Variants in FBXL2 observed in about 807,000 individuals in gnomAD.
The protein encoded by FBXL2 is F-box/LRR-repeat protein 2.
In FBXL2, 38 loss-of-function variants were observed where a neutral mutation model predicts 69.2. The observed-to-expected ratio is 0.55, with a 90% confidence interval of 0.42 to 0.72. The LOEUF (loss-of-function observed/expected upper bound fraction) is 0.72, where lower values mean the gene tolerates loss of function less well. Ranked by LOEUF, FBXL2 falls within the 30% of genes least tolerant of loss-of-function variation. The pLI, the probability that FBXL2 is intolerant of heterozygous loss-of-function variation, is 0.00. For synonymous variants in FBXL2, 192 were observed against 201.3 expected (o/e 0.95, Z 0.39); for missense variants, 354 against 520.3 (o/e 0.68, Z 3.11).
the FBXL2 span, chr3:33,411,592 C>G: frequency 1.9e-6 from 3 of 1,614,032 alleles, no homozygotes; most frequent in Non-Finnish European, 2.5e-6. Flanking sequence ...TGAATGAAAG[C>G]AGAGGTGCGT....
intron 2 of FBXL2, among the ~76,000 whole-genome samples, chr3:33,301,745 T>C (rs1426930135): frequency 6.6e-6 from 1 of 152,124 alleles, no homozygotes; most frequent in African/African-American, 2.4e-5. Context: ...TCCTGGGGAG[T>C]CAGTCACATA....
rs761895451 is a variant in FBXL2, at chr3:33,385,542, C to A, written c.1206C>A (p.Pro402=). ...TCAAAGTCCACGCCTACTTTGCTCC[C>A]GTCACCCCACCGACAGCAGTGGCAG... ...PHVKVHAYFA[P]VTPPTAVAGS... is the part of the protein sequence containing the mutation. Residue 402 remains proline (P), a synonymous_variant, in exon 15 of 15, where the codon CCC becomes CCA. Transcript: ENST00000484457. 1.4e-5 allele frequency: 22 copies of A among 1,613,938 alleles called. No individual in the cohort carries two copies. Among genetic ancestry groups the A allele is most frequent in the Non-Finnish European group, 1.9e-5 (22 of 1,180,000 alleles).
At chr3:33,299,033 T>A (rs1036105494) in intron 2 of FBXL2, among the ~76,000 whole-genome samples, 1 of 151,110 alleles carries the variant, frequency 6.6e-6, no homozygotes, top group East Asian at 1.9e-4. Context: ...TTAATTTTAT[T>A]TATTTATTTA....
intron 12 of FBXL2, among the ~76,000 whole-genome samples, chr3:33,399,534 GA>G (rs35695525): frequency 6.6e-6 from 1 of 152,018 alleles, no homozygotes; most frequent in Non-Finnish European, 1.5e-5. Context: ...TTATGCTAGT[GA>G]AAAAAAGCCA....
At chr3:33,361,720 C>G (rs2041642916) in intron 4 of FBXL2, among the ~76,000 whole-genome samples, 1 of 152,064 alleles carries the variant, frequency 6.6e-6, no homozygotes. Flanking sequence ...ATGTGAAAAC[C>G]TAAAATAGCT....
downstream of FBXL2, chr3:33,389,115 G>C (rs1315554381): frequency 6.5e-6 from 1 of 152,672 alleles, no homozygotes; most frequent in Middle Eastern, 3.2e-3. Context: ...TGAGAAAACA[G>C]TGGATTCCCT....
rs373364547 is a variant in FBXL2, at chr3:33,304,366, A to G, written c.65+6641A>G. Among the ~76,000 whole-genome samples the G allele has an allele frequency of 1.1e-4, 16 of 152,168 alleles. No homozygotes were observed. In the South Asian group the frequency reaches 3.1e-3, roughly 30 times the overall value. On this transcript the variant is annotated intron_variant, in intron 2 of 14. Transcript: ENST00000484457. ...ATCTTAAATATATTTTGACTAAACA[A>G]TATGTTTACTTTTGCTTGTTTATTA...
At chr3:33,404,875 T>C (rs574712466), downstream of FBXL2, among the ~76,000 whole-genome samples, 1 of 152,260 alleles carries the variant, frequency 6.6e-6, no homozygotes, top group South Asian at 2.1e-4. Flanking sequence ...AAAAACAAAA[T>C]TGCTCATATG....
At chr3:33,359,182 T>C (rs2041431437) in intron 3 of FBXL2, 101 bp from the exon 4 acceptor site, 1 of 1,072,656 alleles carries the variant, frequency 9.3e-7, no homozygotes, top group South Asian at 1.7e-5. Flanking sequence ...ACATCAAAAA[T>C]AGGAGTTTGG....
intron 1 of FBXL2, among the ~76,000 whole-genome samples, chr3:33,282,921 G>T (rs2034193015): frequency 1.3e-5 from 2 of 152,216 alleles, no homozygotes; most frequent in South Asian, 4.1e-4. Flanking sequence ...TTGCTGAAGT[G>T]GCTTATCAGC....
At chr3:33,408,483 G>GT (rs2044489481), downstream of FBXL2, among the ~76,000 whole-genome samples, 1 of 152,024 alleles carries the variant, frequency 6.6e-6, no homozygotes, top group African/African-American at 2.4e-5. Context: ...GGTCAACATT[G>GT]TTTTTTGCTT....
intron 12 of FBXL2, among the ~76,000 whole-genome samples, chr3:33,395,531 A>C (rs1297816206): frequency 6.6e-6 from 1 of 152,050 alleles, no homozygotes; most frequent in Non-Finnish European, 1.5e-5. Context: ...TATACCGTAC[A>C]ATTAAATGCT....
chr3:33,316,377 C>A (rs931844165), intron 2 of FBXL2, among the ~76,000 whole-genome samples: 2 of 151,984 alleles, frequency 1.3e-5, no homozygotes, highest in Non-Finnish European at 2.9e-5. Flanking sequence ...TAGCCTCCTG[C>A]GTAATGTTTT....
At chr3:33,370,643 T>C (rs1270297776) in intron 5 of FBXL2, among the ~76,000 whole-genome samples, 1 of 151,972 alleles carries the variant, frequency 6.6e-6, no homozygotes, top group Non-Finnish European at 1.5e-5. Context: ...CTCTCTGGAG[T>C]CTCACTCTGT....
At chr3:33,388,126 TTAGTTAG>T (rs1446507088), downstream of FBXL2, 16 of 51,088 alleles carry the variant, frequency 3.1e-4, no homozygotes, top group South Asian at 1.1e-3. Flanking sequence ...CTGGAATAGT[TTAGTTAG>T]TTAGTTAGTT....
chr3:33,289,682 A>G (rs987541230), intron 1 of FBXL2: 13 of 845,778 alleles, frequency 1.5e-5, no homozygotes, highest in Non-Finnish European at 1.7e-5. Flanking sequence ...TTCCAGCTAC[A>G]GTGCAGGACT....
At chr3:33,333,796 A>G (rs1456380111) in intron 2 of FBXL2, among the ~76,000 whole-genome samples, 1 of 152,338 alleles carries the variant, frequency 6.6e-6, no homozygotes, top group Non-Finnish European at 1.5e-5. Flanking sequence ...ATTTCTCTAG[A>G]GAGAAATCGT....
chr3:33,303,165 G>A (rs1222090876), intron 2 of FBXL2: 2 of 456,632 alleles, frequency 4.4e-6, no homozygotes, highest in Admixed American at 2.3e-5. Context: ...TAACAGGTAA[G>A]ATGCTCTTTT....
chr3:33,306,249 GT>G (rs147569503), intron 2 of FBXL2, among the ~76,000 whole-genome samples: 3 of 151,856 alleles, frequency 2.0e-5, no homozygotes, highest in South Asian at 2.1e-4. Flanking sequence ...ACCCATACGT[GT>G]TTTTTTAAAA....
Sources: gnomAD v4.1 joint callset for allele counts (sites outside exome capture counted in the v4.1 genomes callset) on GRCh38, gnomAD v4.1.1 for gene constraint, MANE v1.5 for transcripts, NCBI Gene and HGNC (gene_info 2026-07-23, HGNC 2026-07-21) for gene names.